The following LOXHD1 variants were observed in gnomAD, a reference collection of about 807,000 sequenced individuals.
LOXHD1 encodes lipoxygenase homology PLAT domains 1.
A neutral mutation model predicts 248.2 loss-of-function variants in LOXHD1; 205 were observed. The ratio of observed to expected loss-of-function variants is 0.83; its 90% CI spans 0.74 to 0.93. The LOEUF is 0.93. LOXHD1 is among the 40% of genes least tolerant of loss of function. The pLI is 0.00. For synonymous variants in LOXHD1, 1,113 were observed against 1,162.8 expected (o/e 0.96, Z 0.87); for missense variants, 2,930 against 2,971.6 (o/e 0.99, Z 0.33).
chr18:46,591,740 A>C (rs2038172238), intron 12 of LOXHD1, among the ~76,000 whole-genome samples, 193 bp downstream of exon 12: 1 of 152,148 alleles, frequency 6.6e-6, no homozygotes, highest in East Asian at 1.9e-4. Context: ...ATCATGGTAG[A>C]GCTCCGGCAT....
At chr18:46,620,821 G>A (rs561067006) in intron 4 of LOXHD1, among the ~76,000 whole-genome samples, 114 of 152,310 alleles carry the variant, frequency 7.5e-4, no homozygotes, top group Non-Finnish European at 1.0e-4. Context: ...AGATCAAGGA[G>A]ACATCTCAGA....
chr18:46,513,525 CAA>C (rs1375682954), intron 34 of LOXHD1, among the ~76,000 whole-genome samples: 2 of 152,132 alleles, frequency 1.3e-5, no homozygotes, highest in Non-Finnish European at 2.9e-5. Context: ...AACACATACA[CAA>C]AAGAGGTGGG....
chr18:46,488,106 T>C (rs149246391), intron 38 of LOXHD1, among the ~76,000 whole-genome samples: 1,908 of 152,304 alleles, frequency 0.013, 45 homozygotes, highest in South Asian at 0.11. Context: ...GTATTTTGGC[T>C]GGAAGTGTTG....
chr18:46,627,536 T>C (rs2038759362), intron 4 of LOXHD1, among the ~76,000 whole-genome samples: 1 of 152,240 alleles, frequency 6.6e-6, no homozygotes, highest in African/African-American at 2.4e-5. Context: ...AAGGCTATTT[T>C]AAACACCTAT....
intron 34 of LOXHD1, among the ~76,000 whole-genome samples, chr18:46,513,902 G>A (rs1353305926): frequency 6.6e-6 from 1 of 152,188 alleles, no homozygotes; most frequent in East Asian, 1.9e-4. Flanking sequence ...AAAATTCCAA[G>A]CCTGGGGCTG....
intron 1 of LOXHD1, among the ~76,000 whole-genome samples, chr18:46,653,886 C>A (rs12604698): frequency 9.7e-4 from 147 of 152,306 alleles, no homozygotes; most frequent in East Asian, 4.4e-3. Flanking sequence ...CTAGAAGTTA[C>A]ATTTCTGGGA....
Position 46,560,522 on chromosome 18 carries a change from C to T in LOXHD1, c.2622G>A (p.Glu874=), listed in dbSNP as rs2144016321. The part of the protein sequence containing the change: ...TFQLEAADVG[E]VYKLRLGHTG... ...TGTGCCCGAGCCGGAGCTTATAGAC[C>T]TCGCCCACGTCGGCCGCCTCAAGCT... is the stretch of plus-strand genomic sequence containing the variant. The change falls in exon 19 of 41, where the codon GAG becomes GAA. Residue 874 remains glutamate (E), a synonymous_variant. Coordinates refer to ENST00000642948, the MANE Select transcript of LOXHD1 (RefSeq NM_001384474.1). The T allele has an allele frequency of 1.3e-6, 2 of 1,533,204 alleles. No homozygotes were observed. The highest frequency in any genetic ancestry group is 1.7e-6 in the Non-Finnish European group (2 of 1,143,980). 95.0% of individuals were successfully genotyped at this position (1,533,204 alleles called of 1,614,324 possible).
rs1292372632 is a variant in LOXHD1 at position 46,485,061 on chromosome 18, T to G, written c.6140A>C (p.Glu2047Ala). The change falls in exon 39 of 41, where the codon GAG (glutamate) becomes GCG (alanine). Residue 2047 changes from glutamate to alanine, a missense_variant. Coordinates refer to ENST00000642948, the MANE Select transcript of LOXHD1 (RefSeq NM_001384474.1). Reference protein sequence around the residue: ...ILEGRKNRSKEFLMENSSRQR... With the variant: ...ILEGRKNRSKAFLMENSSRQR... ...CCTAGAAGAATTTTCCATGAGAAAC[T>G]CTTTGGATCGGTTCTTCCTGCCCTC... 6.4e-7 allele frequency: 1 copy of G among 1,550,564 alleles called. No individual in the cohort carries two copies. Among genetic ancestry groups the G allele is most frequent in the Admixed American group, 2.0e-5 (1 of 50,848 alleles).
chr18:46,575,206 CA>C (rs966779952), intron 14 of LOXHD1, among the ~76,000 whole-genome samples: 22 of 152,106 alleles, frequency 1.4e-4, no homozygotes, highest in Admixed American at 1.4e-3. Context: ...ACCCACCTAT[CA>C]AAGGCAAAAG....
intron 5 of LOXHD1, among the ~76,000 whole-genome samples, chr18:46,617,283 C>G (rs998237424): frequency 3.3e-5 from 5 of 152,008 alleles, no homozygotes. Context: ...AAATTTTTTC[C>G]TGGTCTATTT....
intron 28 of LOXHD1, among the ~76,000 whole-genome samples, chr18:46,529,546 T>C (rs2035971523): frequency 6.6e-6 from 1 of 152,186 alleles, no homozygotes; most frequent in South Asian, 2.1e-4. Flanking sequence ...TAGACCCAGG[T>C]AGGCTCTATG....
chr18:46,539,623 G>A (rs1239703028), intron 25 of LOXHD1, among the ~76,000 whole-genome samples: 2 of 152,136 alleles, frequency 1.3e-5, no homozygotes, highest in Non-Finnish European at 2.9e-5. Context: ...TGTGAAATGA[G>A]TTTAGTGGGT....
At chr18:46,576,680 G>A (rs1333278225) in intron 14 of LOXHD1, among the ~76,000 whole-genome samples, 2 of 152,148 alleles carry the variant, frequency 1.3e-5, no homozygotes, top group Non-Finnish European at 2.9e-5. Context: ...GCTATATGTA[G>A]AAGACTGTAG....
intron 8 of LOXHD1, among the ~76,000 whole-genome samples, chr18:46,598,483 A>T (rs755001775): frequency 1.3e-5 from 2 of 150,418 alleles, no homozygotes; most frequent in Non-Finnish European, 3.0e-5. Flanking sequence ...AACAAAAAAG[A>T]AGAAAGAACT....
chr18:46,477,300 G>A lies in LOXHD1; in HGVS notation c.*172C>T. 1 of 863,264 alleles carries A rather than the reference G, an allele frequency of 1.2e-6. No individual in the cohort carries two copies. The highest frequency in any genetic ancestry group is 1.9e-6 in the Non-Finnish European group (1 of 520,996). The allele number at this position is 863,264 out of a possible 1,614,324, so 53.5% of individuals were successfully genotyped here. On this transcript the variant is annotated 3_prime_UTR_variant, in exon 41 of 41. Coordinates refer to ENST00000642948, the MANE Select transcript of LOXHD1 (RefSeq NM_001384474.1). ...ATGACACATGCTAATTATTATCACTGTAGGTTCAATAAACTGGGGGTAGGG... is the reference window on the plus strand; with the variant it reads ...ATGACACATGCTAATTATTATCACTATAGGTTCAATAAACTGGGGGTAGGG...
chr18:46,507,567 G>A lies in LOXHD1; in HGVS notation c.5663C>T (p.Thr1888Ile). Residue 1888 changes from threonine (T) to isoleucine (I), a missense_variant, in exon 36 of 41, where the codon ACC becomes ATC. Coordinates refer to ENST00000642948, the MANE Select transcript of LOXHD1 (RefSeq NM_001384474.1). ...EEEMMEWTSY[T>I]VAVKTSDILG... ...GATGTCGCTGGTCTTAACTGCGACGGTGTAGGAGGTCCACTCCATCATTTC... is the reference window on the plus strand; with the variant it reads ...GATGTCGCTGGTCTTAACTGCGACGATGTAGGAGGTCCACTCCATCATTTC... 2 of 1,551,754 alleles carry A rather than the reference G, an allele frequency of 1.3e-6. No individual in the cohort carries two copies. The highest frequency in any genetic ancestry group is 2.4e-5 in the South Asian group (2 of 84,070).
intron 37 of LOXHD1, among the ~76,000 whole-genome samples, chr18:46,499,316 T>C (rs1294399300): frequency 6.6e-6 from 1 of 152,182 alleles, no homozygotes; most frequent in Non-Finnish European, 1.5e-5. Context: ...CATAATAATT[T>C]AGCAGGGGAA....
rs2034126090 is a variant in LOXHD1 at position 46,500,024 on chromosome 18, ATT to A, written c.5878+5812_5878+5813del. ...GCATTACAGAGTTTCCCAGATGTAA[ATT>A]TCCTCCCCAAGCACATCCCACTTTG... On this transcript the variant is annotated intron_variant, in intron 37 of 40. Transcript: ENST00000642948. Among the ~76,000 whole-genome samples the A allele has an allele frequency of 2.0e-5, 3 of 151,976 alleles. No individual in the cohort carries two copies. In the East Asian group the frequency reaches 5.8e-4, roughly 29 times the overall value.
rs149068207 is a variant in LOXHD1, at chr18:46,538,245, C to A, written c.4006G>T (p.Val1336Leu). 6.1e-5 allele frequency: 95 copies of A among 1,551,298 alleles called. 1 individual carries two copies. In the African/African-American group the frequency reaches 1.1e-3, roughly 18 times the overall value. Residue 1336 changes from valine to leucine, a missense_variant, in exon 26 of 41, where the codon GTG becomes TTG. Coordinates refer to ENST00000642948, the MANE Select transcript of LOXHD1 (RefSeq NM_001384474.1). ...CACAGATACTTCTGCTGGGTGCACA[C>A]GGCATCGCAGCCATAGATGATGATG... Reference protein sequence around the residue: ...IFIIIYGCDAVCTQQKYLCTN... With the variant: ...IFIIIYGCDALCTQQKYLCTN...
Sources: allele counts gnomAD v4.1 joint callset (sites outside exome capture counted in the v4.1 genomes callset), GRCh38; gene constraint gnomAD v4.1.1; transcripts MANE v1.5; gene names NCBI Gene and HGNC (gene_info 2026-07-23, HGNC 2026-07-21).